The following ALG14 variants were observed in gnomAD, a reference collection of about 807,000 sequenced individuals.
ALG14 encodes ALG14 UDP-N-acetylglucosaminyltransferase subunit.
In ALG14, 17 loss-of-function variants were observed where a neutral mutation model predicts 22.8. The ratio of observed to expected loss-of-function variants is 0.75; its 90% CI spans 0.51 to 1.12. The LOEUF (loss-of-function observed/expected upper bound fraction) is 1.12, where lower values mean the gene tolerates loss of function less well. Among genes scored for constraint, ALG14 ranks in the 50% most tolerant of loss-of-function variants. The probability of loss-of-function intolerance (pLI) is 0.00; values close to 1 mark genes in which losing one functional copy is unlikely to be tolerated. For synonymous variants in ALG14, 89 were observed against 103.7 expected, an observed-to-expected ratio of 0.86 and a Z score of 0.86; for missense variants, 288 against 271.8, an observed-to-expected ratio of 1.06 and a Z score of -0.42.
intron 3 of ALG14, among the ~76,000 whole-genome samples, chr1:94,994,728 C>T (rs1401255437): frequency 6.6e-6 from 1 of 152,118 alleles, no homozygotes; most frequent in Non-Finnish European, 1.5e-5. Flanking sequence ...CCAACTAGGT[C>T]CAGCTTTTGT....
Position 95,072,872 on chromosome 1 carries a change from C to T in ALG14, c.27G>A (p.Ala9=). The T allele has an allele frequency of 6.2e-7, 1 of 1,614,126 alleles. No individual in the cohort carries two copies. Among genetic ancestry groups the T allele is most frequent in the Non-Finnish European group, 8.5e-7 (1 of 1,180,032 alleles). Residue 9 remains alanine, a synonymous_variant, in exon 1 of 4, where the codon GCG becomes GCA. Transcript: ENST00000370205. ...GGAAAACCGCCACAGCTCCTGCGGC[C>T]GCAGCTAGAACGAGAACGCACACCA... The part of the protein sequence containing the change: MVCVLVLA[A]AAGAVAVFLI...
At position 95,013,344 on chromosome 1, in the gene ALG14, T is replaced by TA. The variant is rs1346564224; in HGVS notation, c.420+13784_420+13785insT. Reference sequence around the variant, plus strand: ...CTGCTCTTGTTTTGATTTATTTATTTTTTTTTTTTGAGACAAGAGTCTTGC... The same window carrying TA: ...CTGCTCTTGTTTTGATTTATTTATTTATTTTTTTTTGAGACAAGAGTCTTGC... On this transcript the variant is annotated intron_variant, in intron 3 of 3. Coordinates refer to ENST00000370205, the MANE Select transcript of ALG14 (RefSeq NM_144988.4). Among the ~76,000 whole-genome samples, 6 of 150,782 alleles carry TA rather than the reference T, an allele frequency of 4.0e-5. No individual in the cohort carries two copies. In the East Asian group the frequency reaches 5.8e-4, roughly 15 times the overall value.
intron 3 of ALG14, among the ~76,000 whole-genome samples, chr1:94,993,840 T>A (rs1364751827): frequency 6.6e-6 from 1 of 152,168 alleles, no homozygotes; most frequent in Non-Finnish European, 1.5e-5. Flanking sequence ...CTCTACAACT[T>A]AGGGATGCAC....
rs368175393 is a variant in ALG14, at chr1:95,013,089, T to C, written c.420+14040A>G. 2.0e-5 allele frequency among the ~76,000 whole-genome samples: 3 copies of C among 150,548 alleles called. No individual in the cohort carries two copies. In the East Asian group the frequency reaches 5.9e-4, roughly 30 times the overall value. On this transcript the variant is annotated intron_variant, in intron 3 of 3. Coordinates refer to ENST00000370205, the MANE Select transcript of ALG14 (RefSeq NM_144988.4). ...AGGCAGAGGTTGCAGTGAGCCGAGATTGTGCCACAGTGACACTGTCTCAAT... is the reference window on the plus strand; with the variant it reads ...AGGCAGAGGTTGCAGTGAGCCGAGACTGTGCCACAGTGACACTGTCTCAAT...
intron 1 of ALG14, among the ~76,000 whole-genome samples, chr1:95,070,680 T>A (rs1265243740): frequency 6.6e-6 from 1 of 152,244 alleles, no homozygotes; most frequent in African/African-American, 2.4e-5. Flanking sequence ...TGACACTATA[T>A]GTCAAGCACT....
At chr1:94,996,564 G>A (rs1672914145) in intron 3 of ALG14, among the ~76,000 whole-genome samples, 4 of 152,200 alleles carry the variant, frequency 2.6e-5, no homozygotes, top group Admixed American at 2.6e-4. Flanking sequence ...CAGCCAGAAT[G>A]CCCTTCCATG....
intron 3 of ALG14, among the ~76,000 whole-genome samples, chr1:95,004,675 G>A (rs1279250048): frequency 1.4e-5 from 2 of 145,862 alleles, no homozygotes; most frequent in Admixed American, 6.7e-5. Context: ...AATTTTTTCT[G>A]TATTTTTAGT....
At chr1:95,057,943 T>C (rs1246215880) in intron 2 of ALG14, among the ~76,000 whole-genome samples, 1 of 151,814 alleles carries the variant, frequency 6.6e-6, no homozygotes, top group African/African-American at 2.4e-5. Context: ...GGCATTACAA[T>C]TAGTATTGTA....
At chr1:95,002,755 G>A (rs1361380181) in intron 3 of ALG14, among the ~76,000 whole-genome samples, 2 of 152,162 alleles carry the variant, frequency 1.3e-5, no homozygotes, top group Non-Finnish European at 2.9e-5. Flanking sequence ...CCCACTGTTT[G>A]GCTGGCAAGC....
intron 3 of ALG14, among the ~76,000 whole-genome samples, chr1:95,023,692 G>A (rs1236676617): frequency 6.6e-6 from 1 of 152,166 alleles, no homozygotes; most frequent in East Asian, 1.9e-4. Flanking sequence ...AATTAAATTA[G>A]GTTTCATTTT....
chr1:95,037,224 C>T (rs1401070845), intron 2 of ALG14, among the ~76,000 whole-genome samples: 2 of 152,128 alleles, frequency 1.3e-5, no homozygotes, highest in African/African-American at 4.8e-5. Context: ...CTCAGCCGGA[C>T]GGTTTGGTGG....
At chr1:95,040,913 A>G (rs1282879987) in intron 2 of ALG14, among the ~76,000 whole-genome samples, 1 of 152,220 alleles carries the variant, frequency 6.6e-6, no homozygotes, top group Non-Finnish European at 1.5e-5. Context: ...ATTCACAGCT[A>G]TTTTAATTTC....
At chr1:94,986,741 G>C (rs941272673) in intron 3 of ALG14, among the ~76,000 whole-genome samples, 1 of 150,788 alleles carries the variant, frequency 6.6e-6, no homozygotes, top group Non-Finnish European at 1.5e-5. Flanking sequence ...AAAGTGCTGG[G>C]ATTGCAGGCA....
intron 3 of ALG14, among the ~76,000 whole-genome samples, chr1:95,001,277 T>A (rs1673059258): frequency 6.6e-6 from 1 of 152,072 alleles, no homozygotes; most frequent in Non-Finnish European, 1.5e-5. Flanking sequence ...CCCCCATGGG[T>A]TTTTTCACTT....
chr1:95,032,279 T>C (rs1009397733), intron 2 of ALG14, among the ~76,000 whole-genome samples: 3 of 151,974 alleles, frequency 2.0e-5, no homozygotes, highest in Admixed American at 6.6e-5. Flanking sequence ...ATTTAGAATA[T>C]AGAAAGGACA....
chr1:95,023,028 G>A lies in ALG14; in HGVS notation c.420+4101C>T, dbSNP rs550475890. ...AAATTTTATATACTATACAAACAGT[G>A]ATAATCTTGGTGCCACCTAGTTTGT... On this transcript the variant is annotated intron_variant, in intron 3 of 3. Transcript: ENST00000370205. Among the ~76,000 whole-genome samples the A allele has an allele frequency of 9.5e-4, 145 of 152,060 alleles. 2 individuals carry two copies. The highest frequency in any genetic ancestry group is 6.8e-3 in the Middle Eastern group (2 of 294).
rs1289907736 is a variant in ALG14, at chr1:95,056,711, G to GCACT, written c.288+8154_288+8155insAGTG. Among the ~76,000 whole-genome samples, 514 of 152,024 alleles carry GCACT rather than the reference G, an allele frequency of 3.4e-3. 23 individuals are homozygous for GCACT. In the East Asian group the frequency reaches 0.096, roughly 28 times the overall value. On this transcript the variant is annotated intron_variant, in intron 2 of 3. Transcript: ENST00000370205. Reference sequence around the variant, plus strand: ...TTGAGTATAACTCTATGACCTTTAAGTCCTAAGGGAAAATATAAATTTGGA... The same window carrying GCACT: ...TTGAGTATAACTCTATGACCTTTAAGCACTTCCTAAGGGAAAATATAAATTTGGA...
At chr1:95,040,406 G>A (rs778569944) in intron 2 of ALG14, among the ~76,000 whole-genome samples, 5 of 152,020 alleles carry the variant, frequency 3.3e-5, no homozygotes, top group Admixed American at 6.6e-5. Flanking sequence ...AGTATCCCTC[G>A]GCACCCATTG....
In ALG14 at chr1:95,027,119, TCTTA is replaced by T. The variant is rs1673843345; in HGVS notation, c.420+6_420+9del. On this transcript the variant is annotated splice_donor_region_variant and intron_variant, in intron 3 of 3. Coordinates refer to ENST00000370205, the MANE Select transcript of ALG14 (RefSeq NM_144988.4). ...TTACTTTCTCTCTCCTTAGTGATGG[TCTTA>T]CTTACCAAATCTGGCTTCACCCTGT... The T allele has an allele frequency of 1.9e-6, 3 of 1,613,782 alleles. No homozygotes were observed. Among genetic ancestry groups the T allele is most frequent in the Admixed American group, 1.7e-5 (1 of 59,984 alleles).
Sources: allele counts gnomAD v4.1 joint callset (sites outside exome capture counted in the v4.1 genomes callset), GRCh38; gene constraint gnomAD v4.1.1; transcripts MANE v1.5; gene names NCBI Gene and HGNC (gene_info 2026-07-23, HGNC 2026-07-21).